Variants in FHIT observed in about 807,000 individuals in gnomAD.
The protein encoded by FHIT is bis(5'-adenosyl)-triphosphatase.
FHIT carries 19 observed loss-of-function variants against 17.9 expected under a neutral mutation model. That is an observed-to-expected ratio of 1.06 (90% CI 0.74 to 1.56). FHIT has a LOEUF of 1.56. Among genes scored for constraint, FHIT ranks in the 40% most tolerant of loss-of-function variants. The pLI, the probability that FHIT is intolerant of heterozygous loss-of-function variation, is 0.00. For missense variants in FHIT, 248 were observed against 189.2 expected, an observed-to-expected ratio of 1.31 and a Z score of -1.82; for synonymous variants, 81 against 69.7, an observed-to-expected ratio of 1.16 and a Z score of -0.81.
chr3:60,356,998 T>C (rs1171857585), intron 5 of FHIT, among the ~76,000 whole-genome samples: 1 of 152,018 alleles, frequency 6.6e-6, no homozygotes, highest in Non-Finnish European at 1.5e-5. Flanking sequence ...CTTAAAACAA[T>C]AAGGTGAAAA....
chr3:60,011,900 C>T (rs1319492703), intron 6 of FHIT, among the ~76,000 whole-genome samples: 1 of 152,124 alleles, frequency 6.6e-6, no homozygotes, highest in Non-Finnish European at 1.5e-5. Flanking sequence ...TGTAGCTGGA[C>T]CCTTTTCCCA....
intron 8 of FHIT, among the ~76,000 whole-genome samples, chr3:59,898,983 C>G (rs544573008): frequency 6.6e-6 from 1 of 152,248 alleles, no homozygotes; most frequent in South Asian, 2.1e-4. Context: ...AAGGGGCAAG[C>G]TGAAAACAAA....
chr3:59,763,219 T>G (rs1701616860), intron 8 of FHIT, among the ~76,000 whole-genome samples: 1 of 152,232 alleles, frequency 6.6e-6, no homozygotes, highest in Non-Finnish European at 1.5e-5. Context: ...ACATATGGCT[T>G]CTTTTTTCAA....
intron 5 of FHIT, among the ~76,000 whole-genome samples, chr3:60,397,715 A>T (rs1404647155): frequency 6.6e-6 from 1 of 152,128 alleles, no homozygotes. Flanking sequence ...TCCAAGCTGA[A>T]AACAGTTTAA....
intron 5 of FHIT, among the ~76,000 whole-genome samples, chr3:60,517,042 T>C (rs1270022482): frequency 6.6e-6 from 1 of 152,214 alleles, no homozygotes; most frequent in Non-Finnish European, 1.5e-5. Context: ...GGAAATTCTT[T>C]AATGTAATTT....
chr3:61,016,178 A>G (rs373092451), intron 3 of FHIT, among the ~76,000 whole-genome samples: 39 of 152,336 alleles, frequency 2.6e-4, no homozygotes, highest in African/African-American at 9.4e-4. Context: ...GCCTCTCATC[A>G]CATTAACCAT....
At chr3:60,933,299 T>A (rs1708050289) in intron 3 of FHIT, among the ~76,000 whole-genome samples, 1 of 152,228 alleles carries the variant, frequency 6.6e-6, no homozygotes, top group Admixed American at 6.5e-5. Context: ...GTGTCAGTAG[T>A]TACGTTTTAA....
At chr3:60,418,932 T>A (rs1702369068) in intron 5 of FHIT, among the ~76,000 whole-genome samples, 1 of 152,112 alleles carries the variant, frequency 6.6e-6, no homozygotes. Context: ...CAAGAAAGGA[T>A]CTGAAAACAT....
rs73095376 is a variant in FHIT at position 60,623,503 on chromosome 3, A to C, written c.-17-86524T>G. ...AAACATGTTCATTTTTTTCTTTTTA[A>C]ATCTGTGCTGGGCTGTGTTCTGACC... On this transcript the variant is annotated intron_variant, in intron 4 of 9. Transcript: ENST00000492590. Among the ~76,000 whole-genome samples the C allele has an allele frequency of 6.2e-3, 949 of 152,156 alleles. 3 individuals are homozygous for C. Among genetic ancestry groups the C allele is most frequent in the Non-Finnish European group, 0.01 (689 of 68,000 alleles).
intron 4 of FHIT, among the ~76,000 whole-genome samples, chr3:60,554,671 T>C (rs1275293130): frequency 6.6e-6 from 1 of 152,190 alleles, no homozygotes; most frequent in Non-Finnish European, 1.5e-5. Context: ...ACTTCTCACA[T>C]ATTATTTTAA....
At chr3:60,517,912 C>T (rs533239938) in intron 5 of FHIT, among the ~76,000 whole-genome samples, 1 of 152,186 alleles carries the variant, frequency 6.6e-6, no homozygotes, top group African/African-American at 2.4e-5. Flanking sequence ...CTGGTCTCTC[C>T]ATTTATAAAC....
rs560238229 is a variant in FHIT at position 60,154,794 on chromosome 3, C to A, written c.104-140642G>T. Among the ~76,000 whole-genome samples the A allele has an allele frequency of 7.9e-5, 12 of 152,204 alleles. No homozygotes were observed. The South Asian group carries it at 2.5e-3, about 32-fold the overall frequency. ...GCCTATATGAAGCATTTGTTTCTTGCAAACAGTCAATTTATATTTAAACTA... is the reference window on the plus strand; with the variant it reads ...GCCTATATGAAGCATTTGTTTCTTGAAAACAGTCAATTTATATTTAAACTA... On this transcript the variant is annotated intron_variant, in intron 5 of 9. Transcript: ENST00000492590.
At chr3:60,093,719 G>A (rs1015416336) in intron 5 of FHIT, among the ~76,000 whole-genome samples, 20 of 152,268 alleles carry the variant, frequency 1.3e-4, no homozygotes, top group Admixed American at 8.5e-4. Flanking sequence ...CTGCACATGC[G>A]AAGGATTTAG....
At chr3:59,815,805 G>A (rs183223620) in intron 8 of FHIT, among the ~76,000 whole-genome samples, 177 of 152,188 alleles carry the variant, frequency 1.2e-3, no homozygotes, top group African/African-American at 4.1e-3. Context: ...CTTGGGTGGT[G>A]TGTGCACCAA....
chr3:60,231,967 AG>A (rs1704518944), intron 5 of FHIT, among the ~76,000 whole-genome samples: 1 of 152,144 alleles, frequency 6.6e-6, no homozygotes, highest in Non-Finnish European at 1.5e-5. Flanking sequence ...TAAGGAGGGA[AG>A]GGGGCATTTT....
chr3:61,103,750 C>G (rs576452529), intron 2 of FHIT, among the ~76,000 whole-genome samples: 1 of 152,126 alleles, frequency 6.6e-6, no homozygotes, highest in Non-Finnish European at 1.5e-5. Context: ...GTATTGGGTG[C>G]ATATATATTT....
chr3:60,468,146 T>C (rs2032898782), intron 5 of FHIT, among the ~76,000 whole-genome samples: 1 of 152,074 alleles, frequency 6.6e-6, no homozygotes, highest in Non-Finnish European at 1.5e-5. Flanking sequence ...TGCAACATCT[T>C]CTTCCATATC....
intron 5 of FHIT, among the ~76,000 whole-genome samples, chr3:60,228,850 A>C (rs1470793091): frequency 1.3e-5 from 2 of 152,146 alleles, no homozygotes; most frequent in Non-Finnish European, 2.9e-5. Context: ...GCATCCCATA[A>C]ATTTTCCTAT....
chr3:61,164,938 G>C (rs2037794612), intron 2 of FHIT, among the ~76,000 whole-genome samples: 1 of 152,142 alleles, frequency 6.6e-6, no homozygotes, highest in African/African-American at 2.4e-5. Flanking sequence ...ATGGCCTCCA[G>C]TTGCATCCAT....
Sources: allele counts gnomAD v4.1 joint callset (sites outside exome capture counted in the v4.1 genomes callset), GRCh38; gene constraint gnomAD v4.1.1; transcripts MANE v1.5; gene names NCBI Gene and HGNC (gene_info 2026-07-23, HGNC 2026-07-21).